Variants in PCDH15 observed in about 807,000 individuals in gnomAD.
The protein encoded by PCDH15 is protocadherin-15.
Under a neutral mutation model 178.5 loss-of-function variants are expected in PCDH15, and 129 were observed. The observed-to-expected ratio is 0.72, with a 90% CI of 0.63 to 0.84. The LOEUF (loss-of-function observed/expected upper bound fraction) is 0.84. Among genes scored for constraint, PCDH15 ranks in the 40% least tolerant of loss-of-function variants. The probability of loss-of-function intolerance (pLI) is 0.00; values close to 1 mark genes in which losing one functional copy is unlikely to be tolerated. For synonymous variants in PCDH15, 800 were observed against 732.0 expected, an observed-to-expected ratio of 1.09 and a Z score of -1.50; for missense variants, 2,230 against 2,099.9, an observed-to-expected ratio of 1.06 and a Z score of -1.21.
intron 2 of PCDH15, among the ~76,000 whole-genome samples, chr10:55,593,435 T>A (rs1175847158): frequency 1.3e-5 from 2 of 151,898 alleles, no homozygotes; most frequent in Non-Finnish European, 2.9e-5. Context: ...ATTTTTTCAA[T>A]AAAAATTAAA....
chr10:54,039,323 G>A (rs775711799), intron 18 of PCDH15, among the ~76,000 whole-genome samples: 4 of 151,848 alleles, frequency 2.6e-5, no homozygotes, highest in Non-Finnish European at 4.4e-5. Flanking sequence ...AGAAAGATGA[G>A]CTGGACATAA....
chr10:55,300,618 GA>G (rs1843248465), intron 1 of PCDH15, among the ~76,000 whole-genome samples: 2 of 152,202 alleles, frequency 1.3e-5, no homozygotes, highest in Admixed American at 1.3e-4. Context: ...ATAATGATGA[GA>G]TTTTTCCGGG....
intron 2 of PCDH15, among the ~76,000 whole-genome samples, chr10:54,545,765 AAC>A (rs1442854832): frequency 6.6e-6 from 1 of 152,242 alleles, no homozygotes; most frequent in Non-Finnish European, 1.5e-5. Flanking sequence ...TTATGATTTA[AAC>A]ACACTCTGTA....
In PCDH15 at chr10:53,806,840, T is replaced by C; in HGVS notation, c.4962A>G (p.Leu1654=). The stretch of plus-strand genomic sequence containing the variant: ...TTTCAGTAGAAAATGGCCCCTTTGA[T>C]AATGTGTTCAGAGGTACATTCTCCT... The part of the protein sequence containing the change: ...THEENVPLNT[L]SKGPFSTEKM... Residue 1654 remains leucine (L), a synonymous_variant, in exon 38 of 38, where the codon TTA becomes TTG. Transcript: ENST00000644397. 1 of 1,613,946 alleles carries C rather than the reference T, an allele frequency of 6.2e-7. No homozygotes were observed. The highest frequency in any genetic ancestry group is 1.1e-5 in the South Asian group (1 of 91,086).
intron 1 of PCDH15, among the ~76,000 whole-genome samples, chr10:55,230,253 T>C (rs758501547): frequency 6.6e-6 from 1 of 152,008 alleles, no homozygotes; most frequent in Non-Finnish European, 1.5e-5. Context: ...CAATTAGGAG[T>C]TGCAATATTA....
chr10:55,622,162 T>G (rs1837416894), intron 2 of PCDH15, among the ~76,000 whole-genome samples: 1 of 90,288 alleles, frequency 1.1e-5, no homozygotes, highest in South Asian at 3.1e-4. Context: ...TAAATATATA[T>G]ATTATATATA....
At chr10:54,808,979 G>A (rs1049269241) in intron 3 of PCDH15, among the ~76,000 whole-genome samples, 3 of 151,492 alleles carry the variant, frequency 2.0e-5, no homozygotes, top group Admixed American at 6.6e-5. Flanking sequence ...GTATTAAGAC[G>A]CTACCCTAAT....
At chr10:55,574,597 A>G (rs1454584761) in intron 2 of PCDH15, among the ~76,000 whole-genome samples, 1 of 152,084 alleles carries the variant, frequency 6.6e-6, no homozygotes, top group Non-Finnish European at 1.5e-5. Context: ...GCAAATATAT[A>G]AAATTTTTAA....
intron 15 of PCDH15, among the ~76,000 whole-genome samples, chr10:54,103,948 G>C (rs7094845): frequency 0.6 from 91,526 of 151,880 alleles, 28,400 homozygotes; most frequent in Middle Eastern, 0.69. Context: ...AAATAAACTC[G>C]AGCAGTTCTT....
chr10:54,554,249 T>C (rs1037308593), intron 2 of PCDH15, among the ~76,000 whole-genome samples: 3 of 152,164 alleles, frequency 2.0e-5, no homozygotes, highest in Admixed American at 1.3e-4. Flanking sequence ...CAAATCTCAA[T>C]TGCCTCTTAA....
At chr10:54,547,285 C>A (rs1305887201) in intron 2 of PCDH15, among the ~76,000 whole-genome samples, 2 of 152,108 alleles carry the variant, frequency 1.3e-5, no homozygotes, top group Non-Finnish European at 2.9e-5. Flanking sequence ...GGCTTGCTAT[C>A]CATCTTCTGT....
chr10:54,718,144 G>T (rs557040850), intron 1 of PCDH15, among the ~76,000 whole-genome samples: 1 of 149,484 alleles, frequency 6.7e-6, no homozygotes, highest in Non-Finnish European at 1.5e-5. Context: ...ATAGCATTGG[G>T]AGATATACCT....
intron 15 of PCDH15, among the ~76,000 whole-genome samples, chr10:54,111,731 G>A (rs2095026905): frequency 6.6e-6 from 1 of 152,032 alleles, no homozygotes; most frequent in African/African-American, 2.4e-5. Context: ...GCAGATAATA[G>A]GGAATAAAGG....
intron 2 of PCDH15, among the ~76,000 whole-genome samples, chr10:55,519,362 A>G (rs1589104152): frequency 6.6e-6 from 1 of 151,898 alleles, no homozygotes; most frequent in Middle Eastern, 3.4e-3. Flanking sequence ...ACAAGATTAC[A>G]GAAATGGAGA....
At chr10:54,654,503 G>A (rs1007840283) in intron 2 of PCDH15, among the ~76,000 whole-genome samples, 8 of 152,158 alleles carry the variant, frequency 5.3e-5, no homozygotes, top group Admixed American at 3.9e-4. Flanking sequence ...ACTTGTCTAA[G>A]GAAGTAGTTA....
intron 1 of PCDH15, among the ~76,000 whole-genome samples, chr10:54,666,523 T>A (rs2094574225): frequency 6.6e-6 from 1 of 152,046 alleles, no homozygotes; most frequent in Non-Finnish European, 1.5e-5. Flanking sequence ...TCTAACCCCC[T>A]TCACAAAGGA....
At chr10:54,715,315 C>A (rs961161422) in intron 1 of PCDH15, among the ~76,000 whole-genome samples, 8 of 152,168 alleles carry the variant, frequency 5.3e-5, no homozygotes, top group Non-Finnish European at 1.2e-4. Context: ...ATTCTGCTCA[C>A]CCTCCATCTT....
At chr10:54,393,130 A>G (rs188831315) in intron 3 of PCDH15, among the ~76,000 whole-genome samples, 3 of 152,266 alleles carry the variant, frequency 2.0e-5, no homozygotes, top group Admixed American at 2.0e-4. Flanking sequence ...AAAAATCTAC[A>G]TATTAATAAA....
intron 2 of PCDH15, among the ~76,000 whole-genome samples, chr10:54,983,617 A>T (rs977941861): frequency 1.3e-5 from 2 of 152,066 alleles, no homozygotes; most frequent in Admixed American, 1.3e-4. Flanking sequence ...AAGAGTCTGA[A>T]CCTATTGTTC....
Sources: allele counts gnomAD v4.1 joint callset (sites outside exome capture counted in the v4.1 genomes callset), GRCh38; gene constraint gnomAD v4.1.1; transcripts MANE v1.5; gene names NCBI Gene and HGNC (gene_info 2026-07-23, HGNC 2026-07-21).